Variants in LRFN2 observed in about 807,000 individuals in gnomAD.
LRFN2 encodes the protein leucine rich repeat and fibronectin type III domain containing 2, also known as leucine-rich repeat and fibronectin type-III domain-containing protein 2.
Under a neutral mutation model 37.3 loss-of-function variants are expected in LRFN2, and 18 were observed. That is an observed-to-expected ratio of 0.48 (90% CI 0.33 to 0.72). The LOEUF is 0.72. Ranked by LOEUF, LRFN2 falls within the 30% of genes least tolerant of loss-of-function variation. The pLI is 0.02. For missense variants in LRFN2, 1,006 were observed against 1,060.7 expected, an observed-to-expected ratio of 0.95 and a Z score of 0.72; for synonymous variants, 556 against 466.6, an observed-to-expected ratio of 1.19 and a Z score of -2.47.
chr6:40,446,589 G>T (rs770219594), intron 1 of LRFN2, among the ~76,000 whole-genome samples: 1 of 152,198 alleles, frequency 6.6e-6, no homozygotes, highest in African/African-American at 2.4e-5. Flanking sequence ...CATTAGCGGC[G>T]ATATGTATAC....
At chr6:40,564,878 C>A (rs1280190727) in intron 1 of LRFN2, among the ~76,000 whole-genome samples, 1 of 152,118 alleles carries the variant, frequency 6.6e-6, no homozygotes, top group South Asian at 2.1e-4. Context: ...CCCCAAAATC[C>A]CCCCAGCCTC....
intron 1 of LRFN2, among the ~76,000 whole-genome samples, chr6:40,546,746 C>T (rs900803776): frequency 1.3e-5 from 2 of 152,256 alleles, no homozygotes; most frequent in South Asian, 4.1e-4. Context: ...GTTCACTACC[C>T]TATGTGGCAG....
At chr6:40,505,103 T>C (rs1034140838) in intron 1 of LRFN2, among the ~76,000 whole-genome samples, 6 of 152,238 alleles carry the variant, frequency 3.9e-5, no homozygotes, top group African/African-American at 1.4e-4. Flanking sequence ...CAGTGGGCTC[T>C]GTCTGCACGG....
chr6:40,582,687 T>C (rs1581806199), intron 1 of LRFN2, among the ~76,000 whole-genome samples: 1 of 143,702 alleles, frequency 7.0e-6, no homozygotes, highest in Admixed American at 7.1e-5. Flanking sequence ...TATACAACCC[T>C]CAGTTACAAC....
intron 1 of LRFN2, among the ~76,000 whole-genome samples, chr6:40,486,047 C>T (rs749927398): frequency 2.0e-5 from 3 of 152,198 alleles, no homozygotes; most frequent in South Asian, 2.1e-4. Context: ...CTCCCTCCTG[C>T]GGGGCGAGGG....
intron 1 of LRFN2, among the ~76,000 whole-genome samples, chr6:40,532,936 C>T (rs187568183): frequency 3.3e-4 from 51 of 152,296 alleles, no homozygotes; most frequent in African/African-American, 1.2e-3. Context: ...GCTTAGTTCA[C>T]CTGGACTATG....
chr6:40,523,986 GC>G lies in LRFN2; in HGVS notation c.-19+62954del, dbSNP rs1256406118. 10 of 18,638 alleles carry G rather than the reference GC, an allele frequency of 5.4e-4. No individual in the cohort carries two copies. The African/African-American group carries it at 0.013, about 24-fold the overall frequency. The allele number at this position is 18,638 out of a possible 1,614,324, so 1.2% of individuals were successfully genotyped here. On this transcript the variant is annotated intron_variant, in intron 1 of 2. Coordinates refer to ENST00000338305, the MANE Select transcript of LRFN2 (RefSeq NM_020737.3). ...TCTGCATAGAAGGGCAGGGGGAGGG[GC>G]TGGGAAGGGCAGGGGGAGGGGCTGG...
intron 1 of LRFN2, among the ~76,000 whole-genome samples, chr6:40,525,876 C>T (rs2113905759): frequency 6.6e-6 from 1 of 152,288 alleles, no homozygotes; most frequent in South Asian, 2.1e-4. Flanking sequence ...CACAGTCTTC[C>T]CCCAAGTTCT....
intron 2 of LRFN2, among the ~76,000 whole-genome samples, chr6:40,409,349 T>C (rs1406942958): frequency 6.6e-6 from 1 of 152,186 alleles, no homozygotes; most frequent in East Asian, 1.9e-4. Context: ...TCACTTCCCA[T>C]GTTTGAGCCT....
chr6:40,408,912 C>G (rs1762903942), intron 2 of LRFN2, among the ~76,000 whole-genome samples: 1 of 152,198 alleles, frequency 6.6e-6, no homozygotes, highest in East Asian at 1.9e-4. Context: ...GAACTGGAGG[C>G]TGGAAGCCCA....
In LRFN2 at chr6:40,425,763, C is replaced by A. The variant is rs554379171; in HGVS notation, c.1400+5951G>T. Among the ~76,000 whole-genome samples, 11 of 152,370 alleles carry A rather than the reference C, an allele frequency of 7.2e-5. No individual in the cohort carries two copies. In the South Asian group the frequency reaches 2.3e-3, roughly 32 times the overall value. ...TGCCTGCAGGGCTCAGCTGTGTGTA[C>A]TCAGGAAGAGCAAGCAGCTTGGGAG... On this transcript the variant is annotated intron_variant, in intron 2 of 2. Coordinates refer to ENST00000338305, the MANE Select transcript of LRFN2 (RefSeq NM_020737.3).
chr6:40,565,870 A>C (rs1334207093), intron 1 of LRFN2, among the ~76,000 whole-genome samples: 6 of 151,502 alleles, frequency 4.0e-5, no homozygotes, highest in African/African-American at 9.7e-5. Context: ...GCAACAAAAG[A>C]CAAAATTGAC....
chr6:40,457,469 A>G (rs1483155594), intron 1 of LRFN2, among the ~76,000 whole-genome samples: 1 of 151,946 alleles, frequency 6.6e-6, no homozygotes, highest in Non-Finnish European at 1.5e-5. Flanking sequence ...GCATAAGGTT[A>G]CATCAGAAAT....
intron 1 of LRFN2, among the ~76,000 whole-genome samples, chr6:40,497,332 C>T (rs955547159): frequency 1.3e-4 from 20 of 152,110 alleles, no homozygotes; most frequent in Non-Finnish European, 2.8e-4. Flanking sequence ...GTCAACCAGG[C>T]CCAACCTGTT....
At chr6:40,459,318 A>T (rs1430513385) in intron 1 of LRFN2, among the ~76,000 whole-genome samples, 2 of 152,210 alleles carry the variant, frequency 1.3e-5, no homozygotes, top group Non-Finnish European at 2.9e-5. Context: ...CATAAGAGTA[A>T]TAGGCCAGAG....
At chr6:40,455,354 C>T (rs1379320774) in intron 1 of LRFN2, among the ~76,000 whole-genome samples, 1 of 152,210 alleles carries the variant, frequency 6.6e-6, no homozygotes, top group African/African-American at 2.4e-5. Context: ...TCGGTTGTCA[C>T]CTCAGCAGAA....
intron 1 of LRFN2, among the ~76,000 whole-genome samples, chr6:40,474,716 C>T (rs1027023004): frequency 6.6e-6 from 1 of 152,158 alleles, no homozygotes; most frequent in African/African-American, 2.4e-5. Flanking sequence ...TCTTGAACTC[C>T]TGACCCCAAG....
chr6:40,546,374 T>C (rs1766660610), intron 1 of LRFN2, among the ~76,000 whole-genome samples: 2 of 152,190 alleles, frequency 1.3e-5, no homozygotes, highest in South Asian at 4.1e-4. Flanking sequence ...GAAGGTGCAT[T>C]ATTCATCTCA....
At chr6:40,406,983 A>G (rs1433502402) in intron 2 of LRFN2, among the ~76,000 whole-genome samples, 1 of 151,734 alleles carries the variant, frequency 6.6e-6, no homozygotes, top group Non-Finnish European at 1.5e-5. Context: ...TGTGGACACC[A>G]CCCCCTCCCT....
Sources: allele counts gnomAD v4.1 joint callset (sites outside exome capture counted in the v4.1 genomes callset), GRCh38; gene constraint gnomAD v4.1.1; transcripts MANE v1.5; gene names NCBI Gene and HGNC (gene_info 2026-07-23, HGNC 2026-07-21).